The following SLC9A9 variants were observed in gnomAD, a reference collection of about 807,000 sequenced individuals.
SLC9A9 encodes solute carrier family 9 member A9, also known as sodium/hydrogen exchanger 9.
A neutral mutation model predicts 77.8 loss-of-function variants in SLC9A9; 62 were observed. The observed-to-expected ratio is 0.80, with a 90% CI of 0.65 to 0.98. SLC9A9 has a LOEUF of 0.98. Among genes scored for constraint, SLC9A9 ranks in the 50% least tolerant of loss-of-function variants. The probability of loss-of-function intolerance (pLI) is 0.00; values close to 1 mark genes in which losing one functional copy is unlikely to be tolerated. For missense variants in SLC9A9, 775 were observed against 774.9 expected (o/e 1.00, Z 0.00); for synonymous variants, 320 against 283.5 (o/e 1.13, Z -1.29).
intron 9 of SLC9A9, chr3:143,518,370 G>A: frequency 1.6e-6 from 1 of 609,514 alleles, no homozygotes; most frequent in East Asian, 2.8e-5. Context: ...CTATTGAGTA[G>A]ATATTATGGA....
chr3:143,726,098 C>A (rs953904576), intron 4 of SLC9A9, among the ~76,000 whole-genome samples: 5 of 151,346 alleles, frequency 3.3e-5, no homozygotes, highest in African/African-American at 1.2e-4. Context: ...TTTAATAGCT[C>A]ATTAAAATTA....
intron 4 of SLC9A9, among the ~76,000 whole-genome samples, chr3:143,773,270 A>T (rs2007586349): frequency 6.6e-6 from 1 of 152,154 alleles, no homozygotes; most frequent in Admixed American, 6.5e-5. Context: ...GCTAGCAATG[A>T]GGTCTCTGGA....
At chr3:143,689,853 G>A (rs1439566493) in intron 5 of SLC9A9, among the ~76,000 whole-genome samples, 1 of 152,034 alleles carries the variant, frequency 6.6e-6, no homozygotes, top group Non-Finnish European at 1.5e-5. Context: ...AAATAGAAGG[G>A]TAAACCGAAA....
intron 9 of SLC9A9, among the ~76,000 whole-genome samples, chr3:143,528,915 A>T (rs578227083): frequency 6.6e-6 from 1 of 152,362 alleles, no homozygotes; most frequent in African/African-American, 2.4e-5. Context: ...TTCATGACTT[A>T]TAAGTTAAGA....
At chr3:143,299,056 C>T (rs1207365531) in intron 14 of SLC9A9, among the ~76,000 whole-genome samples, 1 of 152,170 alleles carries the variant, frequency 6.6e-6, no homozygotes, top group East Asian at 1.9e-4. Flanking sequence ...TCCTGGCATA[C>T]AGTGGGTGCT....
intron 12 of SLC9A9, among the ~76,000 whole-genome samples, chr3:143,435,361 G>T (rs577907023): frequency 6.6e-6 from 1 of 152,240 alleles, no homozygotes; most frequent in East Asian, 1.9e-4. Flanking sequence ...GGGTCCAATG[G>T]CGTTGTGTTT....
chr3:143,605,964 A>G (rs2037915622), intron 6 of SLC9A9, among the ~76,000 whole-genome samples: 1 of 152,260 alleles, frequency 6.6e-6, no homozygotes. Flanking sequence ...ACCCACAGTG[A>G]GAACGATAAG....
At chr3:143,781,861 T>C (rs1480338526) in intron 4 of SLC9A9, among the ~76,000 whole-genome samples, 1 of 152,206 alleles carries the variant, frequency 6.6e-6, no homozygotes, top group African/African-American at 2.4e-5. Context: ...AATGAGTAAG[T>C]AAGGGTGAAA....
chr3:143,601,978 G>C (rs1206933042), intron 6 of SLC9A9, among the ~76,000 whole-genome samples: 5 of 151,998 alleles, frequency 3.3e-5, no homozygotes, highest in Admixed American at 2.0e-4. Flanking sequence ...TTGCTCTGCA[G>C]TTCCTGGAGA....
chr3:143,284,782 C>T (rs374393504), intron 14 of SLC9A9, among the ~76,000 whole-genome samples: 22 of 152,232 alleles, frequency 1.4e-4, no homozygotes, highest in South Asian at 8.3e-4. Flanking sequence ...TGGGAACCAG[C>T]CTGCAATGCT....
At chr3:143,459,563 G>A (rs1373200573) in intron 12 of SLC9A9, among the ~76,000 whole-genome samples, 2 of 152,008 alleles carry the variant, frequency 1.3e-5, no homozygotes, top group Admixed American at 6.6e-5. Context: ...TGGGGAGCTG[G>A]GTAATGTTCT....
At chr3:143,789,499 G>C (rs1389476054) in intron 4 of SLC9A9, among the ~76,000 whole-genome samples, 1 of 152,142 alleles carries the variant, frequency 6.6e-6, no homozygotes, top group African/African-American at 2.4e-5. Flanking sequence ...TCTCTTTCCA[G>C]GGTTAGAGCT....
At position 143,561,580 on chromosome 3, in the gene SLC9A9, C is replaced by T. The variant is rs973609283; in HGVS notation, c.1001-9130G>A. On this transcript the variant is annotated intron_variant, in intron 8 of 15. Coordinates refer to ENST00000316549, the MANE Select transcript of SLC9A9 (RefSeq NM_173653.4). The stretch of plus-strand genomic sequence containing the variant: ...ATCTTGGGCCTCGATGCTTCCCAGG[C>T]TGCCATTCTCTCGCCATGGCTACAG... Among the ~76,000 whole-genome samples, 7 of 152,208 alleles carry T rather than the reference C, an allele frequency of 4.6e-5. No homozygotes were observed. The South Asian group carries it at 6.2e-4, about 14-fold the overall frequency.
At chr3:143,410,476 C>T (rs2034076182) in intron 12 of SLC9A9, among the ~76,000 whole-genome samples, 1 of 152,160 alleles carries the variant, frequency 6.6e-6, no homozygotes, top group Non-Finnish European at 1.5e-5. Context: ...CAAATTCTTA[C>T]TCATCTTCGA....
At chr3:143,655,918 G>A (rs2038880604) in intron 5 of SLC9A9, among the ~76,000 whole-genome samples, 1 of 152,142 alleles carries the variant, frequency 6.6e-6, no homozygotes, top group Admixed American at 6.5e-5. Flanking sequence ...TAACTTATGA[G>A]GTCTAAGTGA....
chr3:143,462,843 C>T (rs11919836), intron 12 of SLC9A9, among the ~76,000 whole-genome samples: 25,824 of 152,084 alleles, frequency 0.17, 3,561 homozygotes, highest in African/African-American at 0.38. Context: ...ATTCAGGGTG[C>T]CAGAAGAATG....
chr3:143,794,241 A>T (rs866378186), intron 4 of SLC9A9, among the ~76,000 whole-genome samples: 1 of 152,178 alleles, frequency 6.6e-6, no homozygotes, highest in Non-Finnish European at 1.5e-5. Flanking sequence ...TAACAGCTGT[A>T]GACAGTAAAA....
At chr3:143,327,341 C>T (rs907777454) in intron 14 of SLC9A9, among the ~76,000 whole-genome samples, 1 of 152,140 alleles carries the variant, frequency 6.6e-6, no homozygotes, top group African/African-American at 2.4e-5. Flanking sequence ...GAACTTTCCT[C>T]TTAAATATGG....
intron 5 of SLC9A9, among the ~76,000 whole-genome samples, chr3:143,691,247 T>A (rs1226976611): frequency 6.6e-6 from 1 of 152,200 alleles, no homozygotes; most frequent in East Asian, 1.9e-4. Context: ...TTTAAATTTT[T>A]TTTTGAGAGA....
Sources: gnomAD v4.1 joint callset for allele counts (sites outside exome capture counted in the v4.1 genomes callset) on GRCh38, gnomAD v4.1.1 for gene constraint, MANE v1.5 for transcripts, NCBI Gene and HGNC (gene_info 2026-07-23, HGNC 2026-07-21) for gene names.